The following FPR3 variants were observed in gnomAD, a reference collection of about 807,000 sequenced individuals.
FPR3 encodes the protein formyl peptide receptor 3.
For synonymous variants in FPR3, 135 were observed against 163.6 expected (o/e 0.83, Z 1.34); for missense variants, 346 against 443.2 (o/e 0.78, Z 1.97).
chr19:51,812,596 CACCTTTCCA>C (rs2084104961), intron 1 of FPR3, among the ~76,000 whole-genome samples: 4 of 152,196 alleles, frequency 2.6e-5, no homozygotes, highest in African/African-American at 9.7e-5. Flanking sequence ...AAACACAATA[CACCTTTCCA>C]GGCTACCTAG....
In FPR3 at chr19:51,823,917, C is replaced by G; in HGVS notation, c.169C>G (p.Arg57Gly). The change falls in exon 2 of 2, where the codon CGC (arginine) becomes GGC (glycine). Residue 57 changes from arginine to glycine, a missense_variant. Arg to Gly is a moderately radical substitution (Grantham distance 125). Coordinates refer to ENST00000339223, the MANE Select transcript of FPR3 (RefSeq NM_002030.5). ...CTGGGTGGCTGGATTCCGGATGACA[C>G]GCACAGTCAACACCATCTGTTACCT... ...VIWVAGFRMT[R>G]TVNTICYLNL... 1 of 1,614,102 alleles carries G rather than the reference C, an allele frequency of 6.2e-7. No homozygotes were observed. The highest frequency in any genetic ancestry group is 2.2e-5 in the East Asian group (1 of 44,876).
chr19:51,818,924 C>A (rs2084166638), intron 1 of FPR3, among the ~76,000 whole-genome samples: 1 of 152,112 alleles, frequency 6.6e-6, no homozygotes, highest in Admixed American at 6.5e-5. Flanking sequence ...TGGATTTTAG[C>A]AGAGGGAATA....
At chr19:51,807,860 T>C (rs1422178201) in intron 1 of FPR3, among the ~76,000 whole-genome samples, 3 of 152,210 alleles carry the variant, frequency 2.0e-5, no homozygotes, top group Non-Finnish European at 4.4e-5. Flanking sequence ...CTGTAAGCAT[T>C]TGTGACCTAT....
In FPR3 at chr19:51,795,504, C is replaced by CCTTTTTTTTTTTTTTTTT. The variant is rs1568425575; in HGVS notation, c.-11+173_-11+174insCTTTTTTTTTTTTTTTTT. On this transcript the variant is annotated intron_variant, in intron 1 of 1. Coordinates refer to ENST00000339223, the MANE Select transcript of FPR3 (RefSeq NM_002030.5). The stretch of plus-strand genomic sequence containing the variant: ...TTTGGTTACATGTTCCAGTAACATT[C>CCTTTTTTTTTTTTTTTTT]TTTTTTTTTTTTTTTTTTTTTTTTT... Among the ~76,000 whole-genome samples, 5 of 74,732 alleles carry CCTTTTTTTTTTTTTTTTT rather than the reference C, an allele frequency of 6.7e-5. 1 individual carries two copies. The highest frequency in any genetic ancestry group is 9.3e-5 in the Non-Finnish European group (4 of 43,152). 49.0% of individuals were successfully genotyped at this position (74,732 alleles called of 152,430 possible). A position where few individuals can be genotyped will look rare whatever the true frequency, so the allele number is the denominator to read the frequency against.
In FPR3 at chr19:51,795,276, T is replaced by A. The variant is rs1413417221; in HGVS notation, c.-66T>A. 9 of 152,138 alleles carry A rather than the reference T, an allele frequency of 5.9e-5. No homozygotes were observed. In the East Asian group the frequency reaches 1.7e-3, roughly 29 times the overall value. 9.4% of individuals were successfully genotyped at this position (152,138 alleles called of 1,614,324 possible). ...CATCTTTTTACAAGTACTTAGAGCC[T>A]GAGTTGCTCCACAGGAATCCAGGAA... is the stretch of plus-strand genomic sequence containing the variant. On this transcript the variant is annotated 5_prime_UTR_variant, in exon 1 of 2. Transcript: ENST00000339223.
At chr19:51,798,941 C>A (rs992431384) in intron 1 of FPR3, among the ~76,000 whole-genome samples, 1 of 151,892 alleles carries the variant, frequency 6.6e-6, no homozygotes, top group Non-Finnish European at 1.5e-5. Context: ...ATGGTGAAAC[C>A]CCATCTCTAC....
chr19:51,814,589 G>T, intron 1 of FPR3, among the ~76,000 whole-genome samples: 1 of 152,080 alleles, frequency 6.6e-6, no homozygotes, highest in East Asian at 1.9e-4. Context: ...CATCTGCTGG[G>T]TTCAAGTGAT....
intron 1 of FPR3, among the ~76,000 whole-genome samples, chr19:51,801,711 G>A (rs2084027590): frequency 6.6e-6 from 1 of 152,192 alleles, no homozygotes; most frequent in African/African-American, 2.4e-5. Context: ...AACCTGGGAG[G>A]TGGAGGTTGC....
intron 1 of FPR3, among the ~76,000 whole-genome samples, chr19:51,803,057 C>T (rs912736725): frequency 4.4e-4 from 67 of 150,832 alleles, no homozygotes; most frequent in Non-Finnish European, 4.9e-4. Flanking sequence ...ATTAATGAAT[C>T]AATAAATAGT....
intron 1 of FPR3, among the ~76,000 whole-genome samples, chr19:51,814,155 G>A (rs1306494156): frequency 2.6e-5 from 4 of 152,094 alleles, no homozygotes; most frequent in East Asian, 1.9e-4. Context: ...ATAGTGATTC[G>A]GGGAGAAAAG....
intron 1 of FPR3, among the ~76,000 whole-genome samples, chr19:51,814,455 T>C (rs1447605048): frequency 2.0e-5 from 3 of 151,864 alleles, no homozygotes; most frequent in African/African-American, 7.3e-5. Context: ...TACTCTCTCA[T>C]GCATCTGCCT....
At chr19:51,813,540 C>CT (rs1018282779) in intron 1 of FPR3, among the ~76,000 whole-genome samples, 1 of 151,216 alleles carries the variant, frequency 6.6e-6, no homozygotes, top group African/African-American at 2.4e-5. Context: ...GGATGTTTTC[C>CT]TTTTTTTTGA....
rs1291259237 is a variant in FPR3 at position 51,795,185 on chromosome 19, A to G, written c.-157A>G. The G allele has an allele frequency of 6.6e-6, 1 of 152,204 alleles. No homozygotes were observed. 9.4% of individuals were successfully genotyped at this position (152,204 alleles called of 1,614,324 possible). A position where few individuals can be genotyped will look rare whatever the true frequency, so the allele number is the denominator to read the frequency against. ...AACACTCATTTTGTTTTATAGCATG[A>G]CAGGCTGTCTGATTCCATCTTTATA... On this transcript the variant is annotated 5_prime_UTR_variant, in exon 1 of 2. Transcript: ENST00000339223.
intron 1 of FPR3, among the ~76,000 whole-genome samples, chr19:51,816,408 C>T (rs534805082): frequency 1.3e-5 from 2 of 152,226 alleles, no homozygotes; most frequent in South Asian, 2.1e-4. Context: ...CCACTACACC[C>T]GGTTAATTTT....
intron 1 of FPR3, among the ~76,000 whole-genome samples, chr19:51,803,050 A>T (rs982926490): frequency 6.6e-6 from 1 of 151,562 alleles, no homozygotes; most frequent in Non-Finnish European, 1.5e-5. Context: ...ATACTGAATT[A>T]ATGAATCAAT....
intron 1 of FPR3, among the ~76,000 whole-genome samples, chr19:51,813,879 C>T (rs1401659229): frequency 6.6e-6 from 1 of 152,080 alleles, no homozygotes; most frequent in Non-Finnish European, 1.5e-5. Flanking sequence ...TGAATGAAGC[C>T]AGTTTTTTTG....
chr19:51,818,446 G>T (rs1013696646), intron 1 of FPR3, among the ~76,000 whole-genome samples: 1 of 152,202 alleles, frequency 6.6e-6, no homozygotes, highest in African/African-American at 2.4e-5. Flanking sequence ...CTGAAAGAAG[G>T]TGCTACTTGT....
At chr19:51,810,407 T>C (rs1428517509) in intron 1 of FPR3, among the ~76,000 whole-genome samples, 2 of 152,168 alleles carry the variant, frequency 1.3e-5, no homozygotes, top group Non-Finnish European at 2.9e-5. Context: ...AAATTGCACA[T>C]AGGGTTCCTG....
At chr19:51,806,198 G>A (rs11881389) in intron 1 of FPR3, among the ~76,000 whole-genome samples, 54,827 of 151,896 alleles carry the variant, frequency 0.36, 10,618 homozygotes, top group South Asian at 0.52. Context: ...CTCATGGCTC[G>A]TACCGGAGGG....
Sources: gnomAD v4.1 joint callset for allele counts (sites outside exome capture counted in the v4.1 genomes callset) on GRCh38, gnomAD v4.1.1 for gene constraint, MANE v1.5 for transcripts, NCBI Gene and HGNC (gene_info 2026-07-23, HGNC 2026-07-21) for gene names.